DISC1: variants seen among roughly 807,000 people sequenced by gnomAD.
DISC1 encodes the protein DISC1 scaffold protein, also known as disrupted in schizophrenia 1 protein.
In DISC1, 57 loss-of-function variants were observed where a neutral mutation model predicts 84.5. The observed-to-expected ratio is 0.67, with a 90% CI of 0.55 to 0.84. The LOEUF (loss-of-function observed/expected upper bound fraction) is 0.84, where lower values mean the gene tolerates loss of function less well. Ranked by LOEUF, DISC1 falls within the 40% of genes least tolerant of loss-of-function variation. DISC1 has a pLI of 0.00. For synonymous variants in DISC1, 411 were observed against 415.2 expected (o/e 0.99, Z 0.12); for missense variants, 1,000 against 1,057.8 (o/e 0.95, Z 0.76).
At chr1:231,741,504 G>C (rs2073268918) in intron 3 of DISC1, among the ~76,000 whole-genome samples, 1 of 152,164 alleles carries the variant, frequency 6.6e-6, no homozygotes, top group South Asian at 2.1e-4. Flanking sequence ...AGCATCCCAG[G>C]TGCAGGTCAC....
chr1:231,713,793 A>C (rs1014429674), intron 3 of DISC1, among the ~76,000 whole-genome samples: 1 of 139,180 alleles, frequency 7.2e-6, no homozygotes, highest in Non-Finnish European at 1.6e-5. Flanking sequence ...TATATATAGG[A>C]GATATATATA....
chr1:231,734,010 G>A (rs948850923), intron 3 of DISC1, among the ~76,000 whole-genome samples: 4 of 151,664 alleles, frequency 2.6e-5, no homozygotes, highest in Non-Finnish European at 5.9e-5. Flanking sequence ...GGTGGTGGTG[G>A]CCGTATTGGT....
rs555274762 is a variant in DISC1, at chr1:231,626,970, G to A, written c.67+36G>A. 4.1e-4 allele frequency: 589 copies of A among 1,425,796 alleles called. No individual in the cohort carries two copies. In the African/African-American group the frequency reaches 7.2e-3, roughly 17 times the overall value. The allele number at this position is 1,425,796 out of a possible 1,614,324, so 88.3% of individuals were successfully genotyped here. On this transcript the variant is annotated intron_variant, in intron 1 of 12. Transcript: ENST00000439617. ...TGCCACAGAGTCCTAGCACGTCCTG[G>A]GGGGGTCCTGGCAAGGAGGGCGCGC...
intron 9 of DISC1, among the ~76,000 whole-genome samples, chr1:231,869,555 G>A (rs1412476247): frequency 2.6e-5 from 4 of 151,992 alleles, no homozygotes; most frequent in South Asian, 4.2e-4. Context: ...CATCTGGTGA[G>A]GGCCTCTCTC....
chr1:231,658,006 A>C (rs2061267446), intron 1 of DISC1, among the ~76,000 whole-genome samples: 1 of 152,142 alleles, frequency 6.6e-6, no homozygotes, highest in African/African-American at 2.4e-5. Context: ...GTTTTTTCTA[A>C]TTCTGTGAAG....
At chr1:231,957,915 C>T (rs1282126376) in intron 9 of DISC1, among the ~76,000 whole-genome samples, 1 of 152,148 alleles carries the variant, frequency 6.6e-6, no homozygotes, top group African/African-American at 2.4e-5. Flanking sequence ...TCTGTGTTTC[C>T]ACATTCTCCA....
intron 1 of DISC1, among the ~76,000 whole-genome samples, chr1:231,687,277 G>C (rs565546490): frequency 4.4e-4 from 67 of 152,300 alleles, no homozygotes; most frequent in Admixed American, 4.4e-3. Flanking sequence ...ACATACCTGA[G>C]ACTGGGAAGA....
intron 9 of DISC1, among the ~76,000 whole-genome samples, chr1:231,914,751 G>A (rs2089492750): frequency 6.6e-6 from 1 of 152,148 alleles, no homozygotes; most frequent in African/African-American, 2.4e-5. Context: ...GGACAGTAAT[G>A]GAGAAAAACA....
chr1:231,871,839 C>A (rs1397182441), intron 9 of DISC1, among the ~76,000 whole-genome samples: 1 of 152,126 alleles, frequency 6.6e-6, no homozygotes, highest in East Asian at 1.9e-4. Flanking sequence ...CTTGGTGGCA[C>A]CCTGGCCAGA....
In DISC1 at chr1:231,698,301, C is replaced by T. The variant is rs952231608; in HGVS notation, c.1047+3496C>T. Among the ~76,000 whole-genome samples the T allele has an allele frequency of 6.6e-6, 1 of 152,108 alleles. No individual in the cohort carries two copies. Among genetic ancestry groups the T allele is most frequent in the Non-Finnish European group, 1.5e-5 (1 of 68,030 alleles). ...CTACAGTACTGTGAATAAGGAGAAT[C>T]GACTGTGAATATTTTATGCTGTTTA... is the stretch of plus-strand genomic sequence containing the variant. On this transcript the variant is annotated intron_variant, in intron 2 of 12. Coordinates refer to ENST00000439617, the MANE Select transcript of DISC1 (RefSeq NM_018662.3). This position sits in a 1 kb window ranked among gnomAD's most constrained non-coding sequence, Gnocchi z 4.9.
intron 2 of DISC1, among the ~76,000 whole-genome samples, chr1:231,695,927 A>G (rs182702814): frequency 6.6e-6 from 1 of 152,208 alleles, no homozygotes; most frequent in East Asian, 1.9e-4. Context: ...CTGATTTATT[A>G]TGCAGAGAGG....
intron 12 of DISC1, among the ~76,000 whole-genome samples, chr1:232,027,537 T>A (rs1669592156): frequency 1.3e-5 from 2 of 150,110 alleles, no homozygotes; most frequent in Non-Finnish European, 3.0e-5. Context: ...TGGACGCAGT[T>A]TGTCACTGGT....
intron 3 of DISC1, among the ~76,000 whole-genome samples, chr1:231,747,052 C>T (rs1394147758): frequency 6.6e-6 from 1 of 152,194 alleles, no homozygotes; most frequent in Non-Finnish European, 1.5e-5. Context: ...ACCTCAGCCT[C>T]CTGAGTAGCT....
At chr1:231,636,786 A>C (rs766447427) in intron 1 of DISC1, among the ~76,000 whole-genome samples, 1 of 152,124 alleles carries the variant, frequency 6.6e-6, no homozygotes, top group Admixed American at 6.6e-5. Context: ...TTAAAATTTT[A>C]TTCTGCTTTT....
intron 4 of DISC1, among the ~76,000 whole-genome samples, chr1:231,753,151 T>C (rs2125340816): frequency 6.6e-6 from 1 of 152,344 alleles, no homozygotes; most frequent in South Asian, 2.1e-4. Flanking sequence ...CACTAGGCAG[T>C]GCCCCAGTGG....
intron 6 of DISC1, among the ~76,000 whole-genome samples, chr1:231,781,083 G>A (rs1349283453): frequency 1.4e-5 from 2 of 146,914 alleles, no homozygotes; most frequent in Admixed American, 7.0e-5. Flanking sequence ...TGGGTTCAGC[G>A]CACCAGCATG....
At chr1:231,666,309 GAAA>G (rs751745733) in intron 1 of DISC1, among the ~76,000 whole-genome samples, 1,903 of 87,240 alleles carry the variant, frequency 0.022, 41 homozygotes, top group African/African-American at 0.074. Context: ...TTTGTCTCAG[GAAA>G]AAAAAAAAAA....
chr1:231,950,403 A>T (rs187714609), intron 9 of DISC1, among the ~76,000 whole-genome samples: 4 of 152,324 alleles, frequency 2.6e-5, no homozygotes, highest in African/African-American at 7.2e-5. Context: ...TTTCAGTTAT[A>T]TGCGCCAGAA....
rs976281212 is a variant in DISC1, at chr1:231,819,130, G to A, written c.1981+613G>A. The A allele has an allele frequency of 1.5e-5, 15 of 986,134 alleles. No individual in the cohort carries two copies. In the South Asian group the frequency reaches 5.6e-4, roughly 37 times the overall value. 61.1% of individuals were successfully genotyped at this position (986,134 alleles called of 1,614,324 possible). ...CAGAGGGATGGTCTCAGAAGACGCT[G>A]GTTCAGTGCAAATTGAGATGGTAAA... is the stretch of plus-strand genomic sequence containing the variant. On this transcript the variant is annotated intron_variant, in intron 9 of 12. Transcript: ENST00000439617.
Sources: allele counts gnomAD v4.1 joint callset (sites outside exome capture counted in the v4.1 genomes callset), GRCh38; gene constraint gnomAD v4.1.1; non-coding constraint Gnocchi (gnomAD v3.1); transcripts MANE v1.5; gene names NCBI Gene and HGNC (gene_info 2026-07-23, HGNC 2026-07-21).